The following MTBP variants were observed in gnomAD, a reference collection of about 807,000 sequenced individuals.
MTBP encodes the protein MDM2 binding protein, also known as mdm2-binding protein.
A neutral mutation model predicts 117.0 loss-of-function variants in MTBP; 101 were observed. The ratio of observed to expected loss-of-function variants is 0.86; its 90% CI spans 0.73 to 1.02. The LOEUF is 1.02. MTBP is among the 50% of genes least tolerant of loss of function. The pLI, the probability that MTBP is intolerant of heterozygous loss-of-function variation, is 0.00. For synonymous variants in MTBP, 350 were observed against 351.5 expected (o/e 1.00, Z 0.05); for missense variants, 970 against 1,030.9 (o/e 0.94, Z 0.81).
At chr8:120,502,079 A>C (rs957662538) in intron 14 of MTBP, among the ~76,000 whole-genome samples, 7 of 152,130 alleles carry the variant, frequency 4.6e-5, no homozygotes, top group African/African-American at 1.7e-4. Context: ...AAACAATGTA[A>C]TTTTTTGGTC....
chr8:120,469,068 T>C (rs772095173), intron 10 of MTBP, among the ~76,000 whole-genome samples: 1 of 152,106 alleles, frequency 6.6e-6, no homozygotes, highest in Admixed American at 6.6e-5. Flanking sequence ...GTTTTTGAGA[T>C]AGAGTCTCAC....
Position 120,490,154 on chromosome 8 carries a change from A to T in MTBP, c.1340-309A>T, listed in dbSNP as rs532237237. Among the ~76,000 whole-genome samples, 23 of 152,302 alleles carry T rather than the reference A, an allele frequency of 1.5e-4. 1 individual carries two copies. In the East Asian group the frequency reaches 4.2e-3, roughly 28 times the overall value. Reference sequence around the variant, plus strand: ...TTGGGGGTATCTTTACAGACTAGCTACCATTCCCTATCTGTGATTTCTGAT... The same window carrying T: ...TTGGGGGTATCTTTACAGACTAGCTTCCATTCCCTATCTGTGATTTCTGAT... On this transcript the variant is annotated intron_variant, in intron 12 of 21. Coordinates refer to ENST00000305949, the MANE Select transcript of MTBP (RefSeq NM_022045.5).
At chr8:120,473,169 TA>T (rs1372573562) in intron 11 of MTBP, 1 of 152,240 alleles carries the variant, frequency 6.6e-6, no homozygotes, top group African/African-American at 2.4e-5. Flanking sequence ...CTTGTTATGC[TA>T]TATTCTTTTT....
At chr8:120,472,243 AC>A (rs990428773) in intron 11 of MTBP, 7 of 152,306 alleles carry the variant, frequency 4.6e-5, no homozygotes, top group African/African-American at 1.7e-4. Context: ...CAGGAGAGAT[AC>A]TGAATTCTAT....
intron 16 of MTBP, 66 bp downstream of exon 16, chr8:120,506,927 C>A: frequency 7.3e-7 from 1 of 1,375,668 alleles, no homozygotes; most frequent in Non-Finnish European, 9.8e-7. Context: ...AATTGTGTCT[C>A]ATTTCCTTAT....
intron 11 of MTBP, chr8:120,473,894 C>T (rs1813877270): frequency 6.6e-6 from 1 of 152,068 alleles, no homozygotes; most frequent in Non-Finnish European, 1.5e-5. Flanking sequence ...CATATGCAAT[C>T]AGTTAATCAT....
chr8:120,487,132 C>T (rs1386585025), intron 11 of MTBP, among the ~76,000 whole-genome samples: 1 of 152,184 alleles, frequency 6.6e-6, no homozygotes, highest in Non-Finnish European at 1.5e-5. Flanking sequence ...GTTTTACCCT[C>T]TCCAGAGAAT....
chr8:120,476,080 T>C (rs1813930553), intron 11 of MTBP, among the ~76,000 whole-genome samples: 1 of 152,032 alleles, frequency 6.6e-6, no homozygotes, highest in Non-Finnish European at 1.5e-5. Flanking sequence ...AGGGTGGAAT[T>C]AGAATTTCTA....
intron 16 of MTBP, 111 bp downstream of exon 16, chr8:120,506,972 T>A: frequency 1.1e-6 from 1 of 896,890 alleles, no homozygotes; most frequent in Non-Finnish European, 1.6e-6. Flanking sequence ...GGAAAATTTA[T>A]AAGTTTGATC....
At chr8:120,472,024 G>A (rs868272925) in intron 11 of MTBP, 1 of 152,110 alleles carries the variant, frequency 6.6e-6, no homozygotes, top group Admixed American at 6.6e-5. Flanking sequence ...TGGCCTTGAT[G>A]TGTGTTTTTT....
intron 11 of MTBP, among the ~76,000 whole-genome samples, chr8:120,486,876 A>G (rs1254161543): frequency 6.6e-6 from 1 of 152,188 alleles, no homozygotes; most frequent in Non-Finnish European, 1.5e-5. Context: ...TAATCTTAGT[A>G]TATTTTCCTG....
At chr8:120,518,201 A>G in intron 19 of MTBP, 101 bp downstream of exon 19, 3 of 1,293,864 alleles carry the variant, frequency 2.3e-6, no homozygotes, top group Non-Finnish European at 3.1e-6. Flanking sequence ...AATGAAATGA[A>G]ACGATGTCTA....
chr8:120,498,532 T>C (rs28415210), intron 14 of MTBP, among the ~76,000 whole-genome samples: 95,438 of 152,076 alleles, frequency 0.63, 30,657 homozygotes, highest in Non-Finnish European at 0.7. Context: ...TTTTCTGATC[T>C]TTGTGCCTCT....
chr8:120,490,332 G>A (rs1814316952), intron 12 of MTBP, 131 bp from the exon 13 acceptor site: 7 of 613,116 alleles, frequency 1.1e-5, no homozygotes, highest in African/African-American at 3.8e-5. Flanking sequence ...AATATGTAAG[G>A]TCGAGAGAGG....
chr8:120,495,995 G>A (rs1814446020), intron 13 of MTBP, among the ~76,000 whole-genome samples: 1 of 152,152 alleles, frequency 6.6e-6, no homozygotes, highest in Non-Finnish European at 1.5e-5. Context: ...TGAAAAATAA[G>A]TGTAAGAAAT....
intron 14 of MTBP, among the ~76,000 whole-genome samples, chr8:120,499,228 C>T (rs938768762): frequency 1.3e-5 from 2 of 152,156 alleles, no homozygotes; most frequent in Non-Finnish European, 2.9e-5. Flanking sequence ...TGTTACATTT[C>T]TTTCTTTCTG....
At position 120,492,222 on chromosome 8, in the gene MTBP, A is replaced by G. The variant is rs576951566; in HGVS notation, c.1447+1652A>G. Among the ~76,000 whole-genome samples, 13 of 152,342 alleles carry G rather than the reference A, an allele frequency of 8.5e-5. No individual in the cohort carries two copies. The South Asian group carries it at 2.5e-3, about 29-fold the overall frequency. On this transcript the variant is annotated intron_variant, in intron 13 of 21. Transcript: ENST00000305949. ...TAATCTATTTATGATGAAAATACTT[A>G]CTGAACAAATCTCTTCTCTACCCAG... is the stretch of plus-strand genomic sequence containing the variant.
chr8:120,497,750 T>G (rs1563800930), intron 14 of MTBP, among the ~76,000 whole-genome samples, 196 bp downstream of exon 14: 1 of 152,198 alleles, frequency 6.6e-6, no homozygotes, highest in African/African-American at 2.4e-5. Context: ...ATTATAAATT[T>G]TCTAGTAACT....
intron 17 of MTBP, among the ~76,000 whole-genome samples, chr8:120,514,833 A>G (rs780383582): frequency 9.9e-5 from 15 of 152,084 alleles, no homozygotes; most frequent in Non-Finnish European, 2.1e-4. Flanking sequence ...GCTTTTTCAG[A>G]TAAGTACTAT....
Sources: allele counts gnomAD v4.1 joint callset (sites outside exome capture counted in the v4.1 genomes callset), GRCh38; gene constraint gnomAD v4.1.1; transcripts MANE v1.5; gene names NCBI Gene and HGNC (gene_info 2026-07-23, HGNC 2026-07-21).